Variants in ARB2A observed in about 807,000 individuals in gnomAD.
ARB2A encodes ARB2 cotranscriptional regulator A.
chr5:93,973,966 C>T, the ARB2A span, among the ~76,000 whole-genome samples: 1 of 152,190 alleles, frequency 6.6e-6, no homozygotes, highest in Non-Finnish European at 1.5e-5. Context: ...ACATAGCCTA[C>T]AGACCCAATA....
At chr5:93,830,808 G>A in the ARB2A span, among the ~76,000 whole-genome samples, 1 of 152,030 alleles carries the variant, frequency 6.6e-6, no homozygotes, top group African/African-American at 2.4e-5. Flanking sequence ...TGATTCAGGT[G>A]CATTACGTTT....
At chr5:94,005,208 G>T in the ARB2A span, among the ~76,000 whole-genome samples, 4 of 151,570 alleles carry the variant, frequency 2.6e-5, no homozygotes, top group African/African-American at 9.7e-5. Context: ...TTTTTTTGTT[G>T]TTGTTGTTGT....
the ARB2A span, among the ~76,000 whole-genome samples, chr5:93,765,201 T>C: frequency 1.6e-4 from 25 of 152,166 alleles, no homozygotes; most frequent in East Asian, 4.1e-3. Context: ...CCAGGGCAAT[T>C]AGGCAGGAGA....
chr5:93,957,895 TACTTTTTACAAAAGTCTTTTTACAAAAG>T, the ARB2A span, among the ~76,000 whole-genome samples: 7 of 152,066 alleles, frequency 4.6e-5, no homozygotes, highest in African/African-American at 1.2e-4. Context: ...TATATTCCTT[TACTTTTTACAAAAGTCTTTTTACAAAAG>T]ACTTTTTACT....
At chr5:93,984,555 T>C in the ARB2A span, among the ~76,000 whole-genome samples, 1 of 152,218 alleles carries the variant, frequency 6.6e-6, no homozygotes, top group Non-Finnish European at 1.5e-5. Context: ...TATATAAAAT[T>C]ATCTTAACTT....
At chr5:93,802,520 A>G in the ARB2A span, among the ~76,000 whole-genome samples, 2 of 152,140 alleles carry the variant, frequency 1.3e-5, no homozygotes, top group Admixed American at 1.3e-4. Flanking sequence ...ATTCAAGGCT[A>G]TTTAAAACAT....
At chr5:93,709,634 A>G in the ARB2A span, among the ~76,000 whole-genome samples, 3 of 111,110 alleles carry the variant, frequency 2.7e-5, no homozygotes, top group Admixed American at 8.5e-5. Flanking sequence ...CTCTGTCACA[A>G]AAAAAAAAAA....
At chr5:93,789,379 A>G in the ARB2A span, among the ~76,000 whole-genome samples, 2 of 152,184 alleles carry the variant, frequency 1.3e-5, no homozygotes, top group Non-Finnish European at 2.9e-5. Flanking sequence ...GAGGTTTGAG[A>G]TGCCTTTAAA....
the ARB2A span, chr5:93,784,542 T>A: frequency 6.7e-7 from 1 of 1,493,648 alleles, no homozygotes; most frequent in Non-Finnish European, 9.3e-7. Flanking sequence ...ATAATTGTTT[T>A]TCCTACTGGG....
the ARB2A span, among the ~76,000 whole-genome samples, chr5:93,895,524 A>G: frequency 6.6e-6 from 1 of 152,166 alleles, no homozygotes; most frequent in Non-Finnish European, 1.5e-5. Context: ...TTGTTTTAAT[A>G]TTTACATTAG....
At chr5:93,844,047 A>C in the ARB2A span, among the ~76,000 whole-genome samples, 1 of 151,940 alleles carries the variant, frequency 6.6e-6, no homozygotes, top group Non-Finnish European at 1.5e-5. Flanking sequence ...AGAAAGAAAA[A>C]TAAAATTTTA....
chr5:93,844,824 T>C, the ARB2A span, among the ~76,000 whole-genome samples: 1 of 152,314 alleles, frequency 6.6e-6, no homozygotes, highest in South Asian at 2.1e-4. Context: ...TAAGACATAA[T>C]TACCTAATGA....
the ARB2A span, among the ~76,000 whole-genome samples, chr5:93,984,511 C>T: frequency 6.6e-6 from 1 of 152,134 alleles, no homozygotes; most frequent in Non-Finnish European, 1.5e-5. Flanking sequence ...AAGTAAATGC[C>T]ATACTTTGTT....
the ARB2A span, among the ~76,000 whole-genome samples, chr5:94,042,494 A>G: frequency 6.6e-6 from 1 of 151,832 alleles, no homozygotes; most frequent in South Asian, 2.1e-4. Flanking sequence ...TTTAGTAGAG[A>G]TGGGTTTTCA....
chr5:93,678,383 G>C, the ARB2A span, among the ~76,000 whole-genome samples: 1 of 152,222 alleles, frequency 6.6e-6, no homozygotes, highest in African/African-American at 2.4e-5. Context: ...AGGAACTACT[G>C]TTTGGTAAAC....
the ARB2A span, among the ~76,000 whole-genome samples, chr5:93,675,039 G>A: frequency 6.6e-6 from 1 of 152,086 alleles, no homozygotes; most frequent in African/African-American, 2.4e-5. Context: ...TTCTCAACCA[G>A]TACAGTTTAG....
the ARB2A span, among the ~76,000 whole-genome samples, chr5:93,999,757 C>T: frequency 6.6e-6 from 1 of 152,004 alleles, no homozygotes; most frequent in Non-Finnish European, 1.5e-5. Context: ...TATATAATGA[C>T]ATGTATCCAT....
At chr5:93,752,876 A>G in the ARB2A span, among the ~76,000 whole-genome samples, 2 of 152,190 alleles carry the variant, frequency 1.3e-5, no homozygotes, top group East Asian at 1.9e-4. Context: ...ACTAATAATT[A>G]TAAGGTAGCA....
the ARB2A span, among the ~76,000 whole-genome samples, chr5:93,872,528 G>A: frequency 6.6e-6 from 1 of 152,094 alleles, no homozygotes; most frequent in African/African-American, 2.4e-5. Context: ...CATAATTTTT[G>A]TTTGAAATCC....
Sources: allele counts gnomAD v4.1 joint callset (sites outside exome capture counted in the v4.1 genomes callset), GRCh38; gene constraint gnomAD v4.1.1; transcripts MANE v1.5; gene names NCBI Gene and HGNC (gene_info 2026-07-23, HGNC 2026-07-21).